The following SLC25A48 variants were observed in gnomAD, a reference collection of about 807,000 sequenced individuals.
SLC25A48 encodes solute carrier family 25 member 48, also known as CTC-321K16.1.
In SLC25A48, 29 loss-of-function variants were observed where a neutral mutation model predicts 32.2. The observed-to-expected ratio is 0.90, with a 90% CI of 0.67 to 1.23. The LOEUF is 1.23. Ranked by LOEUF, SLC25A48 falls within the 50% of genes most tolerant of loss-of-function variation. The probability of loss-of-function intolerance (pLI) is 0.00; values close to 1 mark genes in which losing one functional copy is unlikely to be tolerated. For synonymous variants in SLC25A48, 164 were observed against 172.3 expected, an observed-to-expected ratio of 0.95 and a Z score of 0.38; for missense variants, 399 against 422.7, an observed-to-expected ratio of 0.94 and a Z score of 0.49.
chr5:135,883,208 T>C (rs1161157608), intron 7 of SLC25A48: 1 of 985,334 alleles, frequency 1.0e-6, no homozygotes, highest in East Asian at 1.1e-4. Flanking sequence ...ATTACAAGCA[T>C]TCTCATCCCC....
At chr5:135,628,973 A>C (rs1752500657) in intron 1 of SLC25A48, among the ~76,000 whole-genome samples, 1 of 152,258 alleles carries the variant, frequency 6.6e-6, no homozygotes. Flanking sequence ...ATATGTCCAC[A>C]GCACTGGGGC....
chr5:135,813,068 C>T (rs1304864293), intron 4 of SLC25A48: 1 of 152,302 alleles, frequency 6.6e-6, no homozygotes. Flanking sequence ...TGGGATACCA[C>T]TTACCTAATC....
chr5:135,816,933 A>G (rs1757734005), intron 4 of SLC25A48, among the ~76,000 whole-genome samples: 1 of 152,254 alleles, frequency 6.6e-6, no homozygotes, highest in African/African-American at 2.4e-5. Context: ...CAGCTAAAAA[A>G]GAGAGACATA....
At chr5:135,841,567 T>A (rs953168835) in intron 1 of SLC25A48, among the ~76,000 whole-genome samples, 5 of 151,514 alleles carry the variant, frequency 3.3e-5, no homozygotes, top group Non-Finnish European at 7.4e-5. Flanking sequence ...CACAAGAGAG[T>A]GAAGTTGGGA....
chr5:135,855,048 G>A (rs1257411885), intron 4 of SLC25A48, among the ~76,000 whole-genome samples: 1 of 152,172 alleles, frequency 6.6e-6, no homozygotes, highest in Non-Finnish European at 1.5e-5. Flanking sequence ...GAGCAACCAT[G>A]ATTAAGCTGA....
chr5:135,727,545 A>G lies in SLC25A48; in HGVS notation c.-520-84978A>G, dbSNP rs147144530. ...TAAAAGTTTTATAGTGTTTCGTTTTACACTTAGGTTTATGAGCCATTTTTA... is the reference window on the plus strand; with the variant it reads ...TAAAAGTTTTATAGTGTTTCGTTTTGCACTTAGGTTTATGAGCCATTTTTA... On this transcript the variant is annotated intron_variant, in intron 3 of 10. Transcript: ENST00000646290. Among the ~76,000 whole-genome samples the G allele has an allele frequency of 3.9e-4, 60 of 152,138 alleles. No homozygotes were observed. The East Asian group carries it at 9.5e-3, about 24-fold the overall frequency.
At chr5:135,593,341 T>G (rs942120515) in intron 1 of SLC25A48, among the ~76,000 whole-genome samples, 4 of 152,232 alleles carry the variant, frequency 2.6e-5, no homozygotes, top group Non-Finnish European at 4.4e-5. Context: ...GAGGCTCACC[T>G]ACAGCTGGTT....
intron 3 of SLC25A48, among the ~76,000 whole-genome samples, chr5:135,751,910 T>C (rs1346461282): frequency 6.6e-6 from 1 of 152,204 alleles, no homozygotes; most frequent in Non-Finnish European, 1.5e-5. Flanking sequence ...AGGTTATTTT[T>C]TGGAGAAAGG....
chr5:135,685,820 T>C (rs756119062), intron 3 of SLC25A48, among the ~76,000 whole-genome samples: 4 of 152,244 alleles, frequency 2.6e-5, no homozygotes, highest in Non-Finnish European at 5.9e-5. Flanking sequence ...CATGCTGGGA[T>C]TGAAGCCAGT....
chr5:135,694,274 C>T (rs994497689), intron 3 of SLC25A48, among the ~76,000 whole-genome samples: 3 of 152,178 alleles, frequency 2.0e-5, no homozygotes, highest in Non-Finnish European at 2.9e-5. Context: ...AGATGTGTCC[C>T]GCCCACACAG....
At chr5:135,613,876 A>T (rs2126893044) in intron 1 of SLC25A48, among the ~76,000 whole-genome samples, 1 of 152,322 alleles carries the variant, frequency 6.6e-6, no homozygotes, top group East Asian at 1.9e-4. Context: ...AGGTGGTGTG[A>T]TGCCTCCAGA....
chr5:135,717,118 C>T (rs939145874), intron 3 of SLC25A48, among the ~76,000 whole-genome samples: 2 of 152,188 alleles, frequency 1.3e-5, no homozygotes, highest in Non-Finnish European at 2.9e-5. Context: ...AGCTGTCCAC[C>T]TTCGGGCAGA....
chr5:135,662,533 G>A (rs972087344), intron 3 of SLC25A48, among the ~76,000 whole-genome samples: 2 of 152,170 alleles, frequency 1.3e-5, no homozygotes, highest in Non-Finnish European at 2.9e-5. Flanking sequence ...CTGTGGGTCT[G>A]CATGGTCCTA....
intron 4 of SLC25A48, among the ~76,000 whole-genome samples, chr5:135,856,102 C>T (rs186962041): frequency 2.8e-4 from 42 of 152,246 alleles, no homozygotes; most frequent in African/African-American, 9.9e-4. Flanking sequence ...TGGTAGGAGA[C>T]GTATTTCAGT....
At chr5:135,724,714 A>C (rs1755047449) in intron 3 of SLC25A48, among the ~76,000 whole-genome samples, 1 of 152,238 alleles carries the variant, frequency 6.6e-6, no homozygotes, top group Non-Finnish European at 1.5e-5. Flanking sequence ...ACCTATGACC[A>C]GGGTTCTGTT....
At chr5:135,708,796 A>T (rs868328268) in intron 3 of SLC25A48, among the ~76,000 whole-genome samples, 3 of 152,306 alleles carry the variant, frequency 2.0e-5, no homozygotes, top group Admixed American at 6.5e-5. Flanking sequence ...GTGGAAGAAC[A>T]CATTTGAGAG....
intron 3 of SLC25A48, among the ~76,000 whole-genome samples, chr5:135,774,905 G>A (rs755501368): frequency 6.6e-6 from 1 of 151,596 alleles, no homozygotes; most frequent in Non-Finnish European, 1.5e-5. Context: ...ACACACCCCC[G>A]TGATATTGTT....
chr5:135,770,429 A>G (rs1410069154), intron 3 of SLC25A48, among the ~76,000 whole-genome samples: 4 of 151,632 alleles, frequency 2.6e-5, no homozygotes, highest in Non-Finnish European at 5.9e-5. Context: ...CAGGGGGTGG[A>G]CACCTCTCCT....
chr5:135,705,213 T>C (rs1383039497), intron 3 of SLC25A48, among the ~76,000 whole-genome samples: 1 of 147,418 alleles, frequency 6.8e-6, no homozygotes, highest in Non-Finnish European at 1.5e-5. Context: ...ATTTTTGAGA[T>C]TGACTCACAG....
Sources: gnomAD v4.1 joint callset for allele counts (sites outside exome capture counted in the v4.1 genomes callset) on GRCh38, gnomAD v4.1.1 for gene constraint, MANE v1.5 for transcripts, NCBI Gene and HGNC (gene_info 2026-07-23, HGNC 2026-07-21) for gene names.